Variants in TPRG1 observed in about 807,000 individuals in gnomAD.
The protein encoded by TPRG1 is tumor protein p63 regulated 1, also known as tumor protein p63-regulated gene 1 protein.
A neutral mutation model predicts 29.3 loss-of-function variants in TPRG1; 29 were observed. The observed-to-expected ratio is 0.99, with a 90% CI of 0.74 to 1.35. TPRG1 has a LOEUF of 1.35. Ranked by LOEUF, TPRG1 falls within the 40% of genes most tolerant of loss-of-function variation. The pLI is 0.00. For synonymous variants in TPRG1, 130 were observed against 116.8 expected (o/e 1.11, Z -0.73); for missense variants, 327 against 335.0 (o/e 0.98, Z 0.19).
In TPRG1 at chr3:189,144,200, T is replaced by C. The variant is rs1724947628; in HGVS notation, c.-290-3384T>C. On this transcript the variant is annotated intron_variant, in intron 3 of 6. Transcript: ENST00000412373. ...TATGCTCTTGACACTGGGAGTACAATGATGAACAAGCAGACATCACCTACA... is the reference window on the plus strand; with the variant it reads ...TATGCTCTTGACACTGGGAGTACAACGATGAACAAGCAGACATCACCTACA... 2.0e-5 allele frequency among the ~76,000 whole-genome samples: 3 copies of C among 152,198 alleles called. No individual in the cohort carries two copies. The South Asian group carries it at 6.2e-4, about 31-fold the overall frequency.
chr3:189,011,936 C>T (rs1712622466), intron 3 of TPRG1, among the ~76,000 whole-genome samples: 1 of 152,068 alleles, frequency 6.6e-6, no homozygotes, highest in South Asian at 2.1e-4. Flanking sequence ...CTCAGCTTGC[C>T]TATTGTTTGT....
chr3:189,208,823 A>G (rs1307724733), intron 2 of TPRG1, among the ~76,000 whole-genome samples: 1 of 152,172 alleles, frequency 6.6e-6, no homozygotes, highest in African/African-American at 2.4e-5. Context: ...GTAGGGTTTG[A>G]TGATAGAAGA....
intron 3 of TPRG1, among the ~76,000 whole-genome samples, chr3:189,229,627 A>G (rs1394903928): frequency 6.6e-6 from 1 of 152,228 alleles, no homozygotes; most frequent in Admixed American, 6.5e-5. Context: ...TATTTATGGT[A>G]GCAGAGGGCG....
At chr3:189,273,657 T>C (rs562086484) in intron 4 of TPRG1, among the ~76,000 whole-genome samples, 56 of 152,352 alleles carry the variant, frequency 3.7e-4, no homozygotes, top group Non-Finnish European at 7.2e-4. Context: ...GTGAATGCAC[T>C]CATTTGATAG....
upstream of TPRG1, among the ~76,000 whole-genome samples, chr3:189,097,246 C>T (rs923990435): frequency 6.6e-6 from 1 of 152,172 alleles, no homozygotes; most frequent in South Asian, 2.1e-4. Context: ...GGTGGATACA[C>T]CTTTTCCAAC....
chr3:189,145,676 T>A (rs1725172956), intron 3 of TPRG1, among the ~76,000 whole-genome samples: 1 of 151,394 alleles, frequency 6.6e-6, no homozygotes, highest in Non-Finnish European at 1.5e-5. Flanking sequence ...AGCAATAACA[T>A]TAATAATAAC....
intron 1 of TPRG1, among the ~76,000 whole-genome samples, chr3:189,177,602 G>A (rs763276885): frequency 1.6e-4 from 25 of 151,792 alleles, no homozygotes; most frequent in Non-Finnish European, 3.2e-4. Flanking sequence ...CGATAGAAAA[G>A]AGGAGAGGTT....
chr3:189,299,394 C>T (rs1263642018), intron 4 of TPRG1, among the ~76,000 whole-genome samples: 3 of 152,148 alleles, frequency 2.0e-5, no homozygotes, highest in East Asian at 1.9e-4. Flanking sequence ...ATACTATATG[C>T]ATGCAAACGT....
chr3:189,116,659 CATGCT>C (rs1375741288), intron 1 of TPRG1, among the ~76,000 whole-genome samples: 3 of 152,076 alleles, frequency 2.0e-5, no homozygotes, highest in African/African-American at 7.2e-5. Context: ...ACATTGGTGA[CATGCT>C]AAGTGAAATA....
At chr3:189,060,573 CT>C (rs1309241236) in intron 4 of TPRG1, among the ~76,000 whole-genome samples, 1 of 152,140 alleles carries the variant, frequency 6.6e-6, no homozygotes, top group East Asian at 1.9e-4. Flanking sequence ...GCTCCTTAAG[CT>C]GATAAATAAC....
chr3:189,153,631 G>A (rs915241117), intron 5 of TPRG1, among the ~76,000 whole-genome samples: 2 of 152,148 alleles, frequency 1.3e-5, no homozygotes, highest in African/African-American at 4.8e-5. Context: ...TAAACTGTTA[G>A]CTGCAGCACC....
intron 1 of TPRG1, among the ~76,000 whole-genome samples, chr3:189,116,456 C>A (rs563137809): frequency 6.6e-6 from 1 of 152,308 alleles, no homozygotes; most frequent in South Asian, 2.1e-4. Context: ...GGATTACAGA[C>A]ATGAGCCACC....
intron 4 of TPRG1, among the ~76,000 whole-genome samples, chr3:189,272,002 A>G (rs949208423): frequency 4.6e-5 from 7 of 152,194 alleles, no homozygotes; most frequent in African/African-American, 1.7e-4. Flanking sequence ...TGCCTTTCCT[A>G]TACGCGCTGA....
chr3:189,306,552 G>A (rs1452145924), intron 4 of TPRG1, among the ~76,000 whole-genome samples: 2 of 152,112 alleles, frequency 1.3e-5, no homozygotes, highest in African/African-American at 2.4e-5. Context: ...TCCTTTCCCT[G>A]CCCCTTTTTT....
At chr3:189,216,453 A>G (rs1421749729) in intron 3 of TPRG1, among the ~76,000 whole-genome samples, 3 of 152,182 alleles carry the variant, frequency 2.0e-5, no homozygotes, top group African/African-American at 7.2e-5. Flanking sequence ...ATTTTATACT[A>G]TTGTTTCAAA....
At chr3:189,166,736 C>A (rs1457315918) in intron 5 of TPRG1, among the ~76,000 whole-genome samples, 2 of 152,042 alleles carry the variant, frequency 1.3e-5, no homozygotes, top group Non-Finnish European at 2.9e-5. Context: ...AATTTCTTCC[C>A]TGATGAGACA....
intron 1 of TPRG1, among the ~76,000 whole-genome samples, chr3:189,204,957 A>T (rs564512100): frequency 0.061 from 9,252 of 151,028 alleles, 309 homozygotes; most frequent in East Asian, 0.16. Context: ...TCACACACAC[A>T]CACACACACA....
At chr3:189,188,113 A>T (rs922239031) in intron 1 of TPRG1, among the ~76,000 whole-genome samples, 2 of 152,232 alleles carry the variant, frequency 1.3e-5, no homozygotes, top group Non-Finnish European at 2.9e-5. Flanking sequence ...AAAAGAAAAG[A>T]TAATTGAAAA....
intron 4 of TPRG1, among the ~76,000 whole-genome samples, chr3:189,059,229 C>T (rs112561819): frequency 0.015 from 2,321 of 152,196 alleles, 71 homozygotes; most frequent in African/African-American, 0.054. Context: ...TAATATTTTC[C>T]AAGCACTTTC....
Sources: gnomAD v4.1 joint callset for allele counts (sites outside exome capture counted in the v4.1 genomes callset) on GRCh38, gnomAD v4.1.1 for gene constraint, MANE v1.5 for transcripts, NCBI Gene and HGNC (gene_info 2026-07-23, HGNC 2026-07-21) for gene names.